The following GALNT13 variants were observed in gnomAD, a reference collection of about 807,000 sequenced individuals.
GALNT13 encodes the protein UDP-GalNAc:polypeptide N-acetylgalactosaminyltransferase 13.
In GALNT13, 28 loss-of-function variants were observed where a neutral mutation model predicts 64.2. That is an observed-to-expected ratio of 0.44 (90% CI 0.32 to 0.60). GALNT13 has a LOEUF of 0.60. GALNT13 is among the 20% of genes least tolerant of loss of function. The pLI, the probability that GALNT13 is intolerant of heterozygous loss-of-function variation, is 0.05. For synonymous variants in GALNT13, 214 were observed against 224.6 expected (o/e 0.95, Z 0.42); for missense variants, 577 against 669.8 (o/e 0.86, Z 1.53).
the GALNT13 span, among the ~76,000 whole-genome samples, chr2:153,236,357 G>A: frequency 0.083 from 12,581 of 152,190 alleles, 579 homozygotes; most frequent in South Asian, 0.12. Flanking sequence ...AGATGGAACA[G>A]CTTTATATTG....
intron 4 of GALNT13, among the ~76,000 whole-genome samples, chr2:154,195,009 A>G (rs1481978204): frequency 6.6e-6 from 1 of 151,840 alleles, no homozygotes; most frequent in Non-Finnish European, 1.5e-5. Context: ...ATTTGTCCTA[A>G]TGCTTTCCCT....
At chr2:154,262,209 A>G (rs1690734821) in intron 8 of GALNT13, among the ~76,000 whole-genome samples, 1 of 152,172 alleles carries the variant, frequency 6.6e-6, no homozygotes, top group Non-Finnish European at 1.5e-5. Context: ...TAAGTGGAAT[A>G]GCTAAGAGTT....
chr2:154,304,975 C>G (rs13018542), intron 9 of GALNT13, among the ~76,000 whole-genome samples: 1 of 152,124 alleles, frequency 6.6e-6, no homozygotes, highest in Non-Finnish European at 1.5e-5. Flanking sequence ...AACCCCAAAC[C>G]TGAAACACAA....
the GALNT13 span, among the ~76,000 whole-genome samples, chr2:153,783,196 A>T: frequency 6.6e-6 from 1 of 152,256 alleles, no homozygotes; most frequent in African/African-American, 2.4e-5. Flanking sequence ...TAGAAAATAC[A>T]TATCATGAAA....
chr2:154,340,541 C>G (rs1695703238), intron 9 of GALNT13, among the ~76,000 whole-genome samples: 1 of 151,966 alleles, frequency 6.6e-6, no homozygotes, highest in Admixed American at 6.6e-5. Flanking sequence ...CCGTGTGTTG[C>G]CTGATATAAT....
At chr2:153,186,862 A>T in the GALNT13 span, among the ~76,000 whole-genome samples, 1 of 152,292 alleles carries the variant, frequency 6.6e-6, no homozygotes, top group Admixed American at 6.5e-5. Context: ...CACTGTGCCC[A>T]GCCTTTGGTG....
chr2:154,251,024 A>G (rs1275652126), intron 7 of GALNT13, among the ~76,000 whole-genome samples: 2 of 152,132 alleles, frequency 1.3e-5, no homozygotes, highest in Admixed American at 1.3e-4. Context: ...CTCAGATAAA[A>G]ATATTTGAAT....
the GALNT13 span, among the ~76,000 whole-genome samples, chr2:153,295,548 A>T: frequency 1.3e-5 from 2 of 149,230 alleles, no homozygotes; most frequent in Non-Finnish European, 3.0e-5. Flanking sequence ...AAAAAAAAGA[A>T]TCCTGTGCTC....
At chr2:153,699,154 G>GACT in the GALNT13 span, among the ~76,000 whole-genome samples, 1 of 152,144 alleles carries the variant, frequency 6.6e-6, no homozygotes, top group Non-Finnish European at 1.5e-5. Context: ...CCAGGAGGTA[G>GACT]AGGTTGCAAA....
the GALNT13 span, among the ~76,000 whole-genome samples, chr2:153,861,975 G>C: frequency 6.6e-6 from 1 of 152,096 alleles, no homozygotes; most frequent in Non-Finnish European, 1.5e-5. Flanking sequence ...GCAGACTGGT[G>C]GGGAGGAAGT....
chr2:153,890,995 A>T (rs1574055061), intron 1 of GALNT13, among the ~76,000 whole-genome samples: 1 of 152,042 alleles, frequency 6.6e-6, no homozygotes. Flanking sequence ...GTTGGTACAT[A>T]TAATTTTGCC....
At chr2:153,845,155 C>G in the GALNT13 span, among the ~76,000 whole-genome samples, 1 of 152,166 alleles carries the variant, frequency 6.6e-6, no homozygotes, top group Non-Finnish European at 1.5e-5. Context: ...AGCAAGGCCC[C>G]ACTCCCAGTA....
At chr2:154,169,299 A>G (rs2105695096) in intron 4 of GALNT13, among the ~76,000 whole-genome samples, 1 of 152,318 alleles carries the variant, frequency 6.6e-6, no homozygotes, top group Non-Finnish European at 1.5e-5. Flanking sequence ...ACTCAAGTTG[A>G]TACATAAAAT....
At chr2:153,403,283 G>T in the GALNT13 span, among the ~76,000 whole-genome samples, 2 of 151,396 alleles carry the variant, frequency 1.3e-5, no homozygotes, top group Non-Finnish European at 2.9e-5. Context: ...CAGTCTGCCC[G>T]TTCTCAGATC....
At chr2:154,132,050 G>A (rs951806508) in intron 3 of GALNT13, among the ~76,000 whole-genome samples, 17 of 152,106 alleles carry the variant, frequency 1.1e-4, no homozygotes, top group African/African-American at 3.6e-4. Flanking sequence ...ACCTAACCAC[G>A]CTGGCAGCTG....
intron 3 of GALNT13, among the ~76,000 whole-genome samples, chr2:153,999,366 T>C (rs1175959747): frequency 1.3e-5 from 2 of 151,774 alleles, no homozygotes; most frequent in Non-Finnish European, 2.9e-5. Flanking sequence ...CCAAAAGTGG[T>C]GAAAGTGGGC....
chr2:154,418,367 A>C (rs1700113716), intron 11 of GALNT13, among the ~76,000 whole-genome samples: 2 of 152,180 alleles, frequency 1.3e-5, no homozygotes, highest in Admixed American at 1.3e-4. Context: ...TTTTGTAGAC[A>C]TGATTTTGTT....
chr2:153,468,026 A>G, the GALNT13 span, among the ~76,000 whole-genome samples: 1 of 152,004 alleles, frequency 6.6e-6, no homozygotes, highest in East Asian at 1.9e-4. Flanking sequence ...CAGGAGTATT[A>G]AAACTCTGTA....
In GALNT13 at chr2:154,166,060, T is replaced by G. The variant is rs190183586; in HGVS notation, c.311+25555T>G. Among the ~76,000 whole-genome samples, 3 of 152,296 alleles carry G rather than the reference T, an allele frequency of 2.0e-5. No individual in the cohort carries two copies. The East Asian group carries it at 5.8e-4, about 29-fold the overall frequency. ...GTCTCACGTGTCTAAACAAAATAAC[T>G]TTTTATTTGTTCCAAAAAACTTGTC... On this transcript the variant is annotated intron_variant, in intron 4 of 12. Transcript: ENST00000392825.
Sources: allele counts gnomAD v4.1 joint callset (sites outside exome capture counted in the v4.1 genomes callset), GRCh38; gene constraint gnomAD v4.1.1; transcripts MANE v1.5; gene names NCBI Gene and HGNC (gene_info 2026-07-23, HGNC 2026-07-21).